The following MACROD1 variants were observed in gnomAD, a reference collection of about 807,000 sequenced individuals.
The protein encoded by MACROD1 is mono-ADP ribosylhydrolase 1.
MACROD1 carries 31 observed loss-of-function variants against 41.4 expected under a neutral mutation model. The ratio of observed to expected loss-of-function variants is 0.75; its 90% CI spans 0.56 to 1.01. MACROD1 has a LOEUF of 1.01. Among genes scored for constraint, MACROD1 ranks in the 50% least tolerant of loss-of-function variants. The pLI is 0.00. For missense variants in MACROD1, 473 were observed against 460.0 expected, an observed-to-expected ratio of 1.03 and a Z score of -0.26; for synonymous variants, 252 against 203.4, an observed-to-expected ratio of 1.24 and a Z score of -2.03.
chr11:64,104,832 G>C (rs1313314272), intron 3 of MACROD1, among the ~76,000 whole-genome samples: 1 of 152,204 alleles, frequency 6.6e-6, no homozygotes, highest in African/African-American at 2.4e-5. Context: ...AACAGGCGGT[G>C]AGTCCTCCCT....
intron 1 of MACROD1, among the ~76,000 whole-genome samples, chr11:64,159,941 G>A (rs1444768990): frequency 6.6e-6 from 1 of 152,244 alleles, no homozygotes; most frequent in Non-Finnish European, 1.5e-5. Context: ...CATACCTAGA[G>A]GGAGAATGGG....
At chr11:64,140,912 A>C (rs1446795383) in intron 3 of MACROD1, among the ~76,000 whole-genome samples, 1 of 152,192 alleles carries the variant, frequency 6.6e-6, no homozygotes, top group African/African-American at 2.4e-5. Flanking sequence ...AGGCAGGAGG[A>C]TCACTTGAGC....
chr11:64,019,410 C>T (rs185677212), intron 3 of MACROD1, among the ~76,000 whole-genome samples: 8 of 152,346 alleles, frequency 5.3e-5, no homozygotes, highest in Non-Finnish European at 1.0e-4. Context: ...CCCCTCCTCC[C>T]GGCCCTCCTC....
At position 64,067,851 on chromosome 11, in the gene MACROD1, G is replaced by T. The variant is rs537387826; in HGVS notation, c.518-52570C>A. 2.7e-4 allele frequency among the ~76,000 whole-genome samples: 41 copies of T among 152,312 alleles called. No homozygotes were observed. The highest frequency in any genetic ancestry group is 9.9e-4 in the African/African-American group (41 of 41,580). ...ATGGGTGATGAGGGGGTTGGGGGAGGAGCTGAGCGGCCCACTTCCTGCTGC... is the reference window on the plus strand; with the variant it reads ...ATGGGTGATGAGGGGGTTGGGGGAGTAGCTGAGCGGCCCACTTCCTGCTGC... On this transcript the variant is annotated intron_variant, in intron 3 of 10. Transcript: ENST00000255681. This position sits in a 1 kb window ranked among gnomAD's most constrained non-coding sequence, Gnocchi z 4.6.
chr11:64,159,200 T>C (rs1945715092), intron 1 of MACROD1, among the ~76,000 whole-genome samples: 2 of 150,820 alleles, frequency 1.3e-5, no homozygotes, highest in African/African-American at 4.9e-5. Context: ...AGGCCTGTAA[T>C]CCCAGCTACT....
intron 3 of MACROD1, among the ~76,000 whole-genome samples, chr11:64,032,833 G>A (rs750470426): frequency 6.6e-6 from 1 of 151,992 alleles, no homozygotes; most frequent in East Asian, 1.9e-4. Flanking sequence ...ACACTCCCTC[G>A]TGGTGCCCTA....
chr11:64,050,226 C>T (rs1943667557), intron 3 of MACROD1, among the ~76,000 whole-genome samples: 1 of 152,102 alleles, frequency 6.6e-6, no homozygotes, highest in Non-Finnish European at 1.5e-5. Context: ...CAGGGAGGGC[C>T]GATGACCCAT....
intron 3 of MACROD1, among the ~76,000 whole-genome samples, chr11:64,058,344 T>G (rs1943830689): frequency 6.6e-6 from 1 of 152,182 alleles, no homozygotes; most frequent in Admixed American, 6.5e-5. Context: ...GGCTGACGCT[T>G]AGAGGAGGCA....
In MACROD1 at chr11:64,151,339, C is replaced by T. The variant is rs1254051605; in HGVS notation, c.417G>A (p.Val139=). The T allele has an allele frequency of 1.2e-6, 2 of 1,613,504 alleles. No homozygotes were observed. Among genetic ancestry groups the T allele is most frequent in the East Asian group, 4.5e-5 (2 of 44,886 alleles). The change falls in exon 3 of 11, where the codon GTG becomes GTA. Residue 139 remains valine, a synonymous_variant. Coordinates refer to ENST00000255681, the MANE Select transcript of MACROD1 (RefSeq NM_014067.4). ...TGTCCTTTTTATACCTGGGCTCCTC[C>T]ACCTTCACAGCCACCCCTGGAACAA... ...KEMAKGVAVK[V]EEPRYKKDKQ...
rs747387247 is a variant in MACROD1, at chr11:64,165,752, CA to C, written c.242del (p.Leu81ArgfsTer9). On this transcript the variant is annotated frameshift_variant, in exon 1 of 11. Transcript: ENST00000255681. LOFTEE classifies it high-confidence loss of function. ...RTAGVRTWAP[L>X]AMAAKVDLST... ...TCAGGTCCACCTTCGCCGCCATGGC[CA>C]GGGGGGCCCAAGTGCGCACCCCGGC... 5.3e-6 allele frequency: 8 copies of C among 1,499,188 alleles called. No individual in the cohort carries two copies. Among genetic ancestry groups the C allele is most frequent in the East Asian group, 2.7e-5 (1 of 36,860 alleles). The allele number at this position is 1,499,188 out of a possible 1,614,324, so 92.9% of individuals were successfully genotyped here. A position where few individuals can be genotyped will look rare whatever the true frequency, so the allele number is the denominator to read the frequency against.
At position 64,021,932 on chromosome 11, in the gene MACROD1, CCGGGG is replaced by C. The variant is rs573176590; in HGVS notation, c.518-6656_518-6652del. Among the ~76,000 whole-genome samples the C allele has an allele frequency of 5.5e-3, 28 of 5,068 alleles. 3 individuals are homozygous for C. The highest frequency in any genetic ancestry group is 9.1e-3 in the African/African-American group (16 of 1,764). The allele number at this position is 5,068 out of a possible 152,430, so 3.3% of individuals were successfully genotyped here. On this transcript the variant is annotated intron_variant, in intron 3 of 10. Coordinates refer to ENST00000255681, the MANE Select transcript of MACROD1 (RefSeq NM_014067.4). Reference sequence around the variant, plus strand: ...GGAAATGCAAGGGAGTGGCAGGGGGCCGGGGGGGGGGGGGGGGGGTGTGAGGTGGC... The same window carrying C: ...GGAAATGCAAGGGAGTGGCAGGGGGCGGGGGGGGGGGGGGTGTGAGGTGGC...
At chr11:64,074,944 T>TC (rs1944175922) in intron 3 of MACROD1, among the ~76,000 whole-genome samples, 1 of 152,200 alleles carries the variant, frequency 6.6e-6, no homozygotes, top group Non-Finnish European at 1.5e-5. Flanking sequence ...AAGGGGTCAC[T>TC]TCCCATTAAA....
At chr11:64,136,350 C>T (rs1332393107) in intron 3 of MACROD1, among the ~76,000 whole-genome samples, 8 of 152,236 alleles carry the variant, frequency 5.3e-5, no homozygotes, top group Non-Finnish European at 8.8e-5. Context: ...CCAGACAAGT[C>T]ACTTATGGTC....
At chr11:64,010,486 C>CTGGGGTGTTGGT (rs1397661015) in intron 4 of MACROD1, among the ~76,000 whole-genome samples, 1 of 113,784 alleles carries the variant, frequency 8.8e-6, no homozygotes, top group African/African-American at 3.4e-5. Flanking sequence ...GGGGTGTTGG[C>CTGGGGTGTTGGT]TGGGGTGTTG....
At chr11:64,133,938 C>T (rs1341841543) in intron 3 of MACROD1, among the ~76,000 whole-genome samples, 1 of 152,214 alleles carries the variant, frequency 6.6e-6, no homozygotes, top group African/African-American at 2.4e-5. Flanking sequence ...GGAGGACGGT[C>T]GGAGTCAGCC....
intron 3 of MACROD1, among the ~76,000 whole-genome samples, chr11:64,037,741 G>A (rs1324999208): frequency 6.6e-6 from 1 of 152,168 alleles, no homozygotes; most frequent in African/African-American, 2.4e-5. Context: ...CAGCATGGAG[G>A]CTCCGTAGCC....
intron 3 of MACROD1, among the ~76,000 whole-genome samples, chr11:64,032,652 C>G (rs1943309478): frequency 6.6e-6 from 1 of 152,072 alleles, no homozygotes; most frequent in South Asian, 2.1e-4. Context: ...GAGTGCATCC[C>G]CCATGAGTGC....
intron 3 of MACROD1, among the ~76,000 whole-genome samples, chr11:64,144,966 C>T (rs965303342): frequency 2.6e-4 from 39 of 152,228 alleles, no homozygotes; most frequent in Admixed American, 2.5e-3. Flanking sequence ...CAGGGACAGC[C>T]GGACGCAGGG....
intron 3 of MACROD1, among the ~76,000 whole-genome samples, chr11:64,087,654 CG>C (rs1944418382): frequency 6.6e-6 from 1 of 152,234 alleles, no homozygotes; most frequent in African/African-American, 2.4e-5. Flanking sequence ...CATGCAGCCA[CG>C]GGTCCTTGTC....
Sources: allele counts gnomAD v4.1 joint callset (sites outside exome capture counted in the v4.1 genomes callset), GRCh38; gene constraint gnomAD v4.1.1; non-coding constraint Gnocchi (gnomAD v3.1); transcripts MANE v1.5; gene names NCBI Gene and HGNC (gene_info 2026-07-23, HGNC 2026-07-21).